SH3RF3: variants seen among roughly 807,000 people sequenced by gnomAD.
SH3RF3 encodes E3 ubiquitin-protein ligase SH3RF3.
A neutral mutation model predicts 66.3 loss-of-function variants in SH3RF3; 29 were observed. That is an observed-to-expected ratio of 0.44 (90% CI 0.33 to 0.60). SH3RF3 has a LOEUF of 0.60. SH3RF3 is among the 20% of genes least tolerant of loss of function. The probability of loss-of-function intolerance (pLI) is 0.04; values close to 1 mark genes in which losing one functional copy is unlikely to be tolerated. For synonymous variants in SH3RF3, 583 were observed against 532.0 expected, an observed-to-expected ratio of 1.10 and a Z score of -1.32; for missense variants, 1,194 against 1,190.9, an observed-to-expected ratio of 1.00 and a Z score of -0.04.
chr2:109,382,573 C>T (rs770415294), intron 3 of SH3RF3, among the ~76,000 whole-genome samples: 1 of 152,222 alleles, frequency 6.6e-6, no homozygotes, highest in Non-Finnish European at 1.5e-5. Flanking sequence ...CCCTCTGTCA[C>T]CCCACACAGA....
intron 7 of SH3RF3, among the ~76,000 whole-genome samples, chr2:109,442,749 G>C (rs73953112): frequency 6.6e-6 from 1 of 152,024 alleles, no homozygotes; most frequent in South Asian, 2.1e-4. Context: ...GAATAAAAAG[G>C]AATCATGAAA....
At position 109,129,535 on chromosome 2, in the gene SH3RF3, TC is replaced by T; in HGVS notation, c.-1del. ...GCCGCGCGAGACCGCTGCGGGCGCC[TC>T]CCCCATGCTGCTCGGAGCGTCCTGG... On this transcript the variant is annotated 5_prime_UTR_variant, in exon 1 of 10. Coordinates refer to ENST00000309415, the MANE Select transcript of SH3RF3 (RefSeq NM_001099289.3). 1 of 1,495,314 alleles carries T rather than the reference TC, an allele frequency of 6.7e-7. No homozygotes were observed. 92.6% of individuals were successfully genotyped at this position (1,495,314 alleles called of 1,614,324 possible). A position where few individuals can be genotyped will look rare whatever the true frequency, so the allele number is the denominator to read the frequency against.
chr2:109,450,911 T>G (rs969901592), intron 8 of SH3RF3, among the ~76,000 whole-genome samples: 1 of 152,236 alleles, frequency 6.6e-6, no homozygotes, highest in African/African-American at 2.4e-5. Flanking sequence ...CCCTGGACAC[T>G]AGATGGTGTG....
At chr2:109,241,157 A>G (rs10178204) in intron 1 of SH3RF3, among the ~76,000 whole-genome samples, 6,217 of 152,318 alleles carry the variant, frequency 0.041, 412 homozygotes, top group African/African-American at 0.14. Context: ...TGATGACAAG[A>G]AGAGAGCGAA....
At chr2:109,379,423 G>A (rs777783162) in intron 3 of SH3RF3, among the ~76,000 whole-genome samples, 26 of 152,066 alleles carry the variant, frequency 1.7e-4, no homozygotes, top group Non-Finnish European at 3.2e-4. Context: ...CTCTCCAGGC[G>A]AGCCCCTCGC....
intron 5 of SH3RF3, among the ~76,000 whole-genome samples, chr2:109,422,875 G>T (rs1676919376): frequency 6.6e-6 from 1 of 152,142 alleles, no homozygotes; most frequent in Non-Finnish European, 1.5e-5. Flanking sequence ...TACCCTGCAG[G>T]AGCCATCCGA....
At chr2:109,420,806 T>A (rs1252199523) in intron 5 of SH3RF3, among the ~76,000 whole-genome samples, 1 of 152,146 alleles carries the variant, frequency 6.6e-6, no homozygotes, top group Admixed American at 6.5e-5. Flanking sequence ...CTTCAAAAGG[T>A]CTAGAAGTAG....
intron 1 of SH3RF3, among the ~76,000 whole-genome samples, chr2:109,321,601 T>C (rs1207019042): frequency 1.3e-5 from 2 of 152,248 alleles, no homozygotes; most frequent in South Asian, 4.1e-4. Context: ...AATAGAGGAT[T>C]ACATTTTGCA....
intron 1 of SH3RF3, among the ~76,000 whole-genome samples, chr2:109,240,325 A>C (rs1286248598): frequency 6.6e-6 from 1 of 152,134 alleles, no homozygotes; most frequent in Non-Finnish European, 1.5e-5. Flanking sequence ...ATCTTTACTA[A>C]AAATACAAAA....
In SH3RF3 at chr2:109,353,466, G is replaced by A. The variant is rs370596596; in HGVS notation, c.849+5517G>A. Among the ~76,000 whole-genome samples, 45 of 152,290 alleles carry A rather than the reference G, an allele frequency of 3.0e-4. No individual in the cohort carries two copies. The South Asian group carries it at 8.3e-3, about 28-fold the overall frequency. On this transcript the variant is annotated intron_variant, in intron 2 of 9. Transcript: ENST00000309415. ...TAGGTGTTCATAGTCACGTGACACC[G>A]CCTGCCTGAGGGTGGGTTGAGACCC...
At chr2:109,448,754 G>T (rs112402740) in intron 7 of SH3RF3, among the ~76,000 whole-genome samples, 1,990 of 152,274 alleles carry the variant, frequency 0.013, 52 homozygotes, top group African/African-American at 0.046. Context: ...TAATGCACTT[G>T]AATCATCCCG....
At chr2:109,179,716 T>C (rs764301390) in intron 1 of SH3RF3, among the ~76,000 whole-genome samples, 2 of 152,158 alleles carry the variant, frequency 1.3e-5, no homozygotes, top group Non-Finnish European at 2.9e-5. Flanking sequence ...CCTACCCTGA[T>C]GGCTTTATCT....
Position 109,492,107 on chromosome 2 carries a change from C to T in SH3RF3, c.2480+1171C>T, listed in dbSNP as rs1392468716. 3.3e-5 allele frequency among the ~76,000 whole-genome samples: 5 copies of T among 152,206 alleles called. No individual in the cohort carries two copies. The East Asian group carries it at 7.7e-4, about 23-fold the overall frequency. On this transcript the variant is annotated intron_variant, in intron 9 of 9. Coordinates refer to ENST00000309415, the MANE Select transcript of SH3RF3 (RefSeq NM_001099289.3). ...ACGTCCTCTGCCTTCACGGTGGAAG[C>T]GTGGCCACACACTGTATGTAGATGA...
At chr2:109,398,528 A>C in intron 3 of SH3RF3, 62 bp from the exon 4 acceptor site, 1 of 1,401,536 alleles carries the variant, frequency 7.1e-7, no homozygotes, top group Non-Finnish European at 9.6e-7. Context: ...GAGAGTGCAG[A>C]GGGCTGGTGT....
chr2:109,271,101 C>G (rs1180860031), intron 1 of SH3RF3, among the ~76,000 whole-genome samples: 1 of 152,166 alleles, frequency 6.6e-6, no homozygotes, highest in Non-Finnish European at 1.5e-5. Flanking sequence ...AGCTCAAGCA[C>G]CCAGCCAGCG....
At chr2:109,408,811 T>C in intron 4 of SH3RF3, among the ~76,000 whole-genome samples, 1 of 152,228 alleles carries the variant, frequency 6.6e-6, no homozygotes, top group East Asian at 1.9e-4. Context: ...TTGTGCCTTT[T>C]ATGCAAAGCT....
rs187572393 is a variant in SH3RF3 at position 109,413,217 on chromosome 2, C to T, written c.1300-6322C>T. Among the ~76,000 whole-genome samples, 5 of 152,316 alleles carry T rather than the reference C, an allele frequency of 3.3e-5. No individual in the cohort carries two copies. In the East Asian group the frequency reaches 5.8e-4, roughly 18 times the overall value. On this transcript the variant is annotated intron_variant, in intron 4 of 9. Coordinates refer to ENST00000309415, the MANE Select transcript of SH3RF3 (RefSeq NM_001099289.3). Reference sequence around the variant, plus strand: ...GCAACCTCCGCCTCATGGGTTCAAACGATTCTCCTGCCTGAGCCTCCCAAG... The same window carrying T: ...GCAACCTCCGCCTCATGGGTTCAAATGATTCTCCTGCCTGAGCCTCCCAAG...
At chr2:109,242,260 G>T (rs1275390625) in intron 1 of SH3RF3, among the ~76,000 whole-genome samples, 1 of 152,162 alleles carries the variant, frequency 6.6e-6, no homozygotes, top group Non-Finnish European at 1.5e-5. Context: ...GTAGTCCTGA[G>T]GCATGGGTTC....
intron 1 of SH3RF3, among the ~76,000 whole-genome samples, chr2:109,177,564 T>A (rs182953619): frequency 1.8e-4 from 28 of 152,094 alleles, no homozygotes; most frequent in African/African-American, 6.5e-4. Context: ...GGGGGCACCA[T>A]TCCTACAAAG....
Sources: gnomAD v4.1 joint callset for allele counts (sites outside exome capture counted in the v4.1 genomes callset) on GRCh38, gnomAD v4.1.1 for gene constraint, MANE v1.5 for transcripts, NCBI Gene and HGNC (gene_info 2026-07-23, HGNC 2026-07-21) for gene names.